UNC13C: variants seen among roughly 807,000 people sequenced by gnomAD.
UNC13C encodes the protein protein unc-13 homolog C.
UNC13C carries 174 observed loss-of-function variants against 245.4 expected under a neutral mutation model. The observed-to-expected ratio is 0.71, with a 90% CI of 0.63 to 0.80. UNC13C has a LOEUF of 0.80. UNC13C is among the 30% of genes least tolerant of loss of function. The pLI, the probability that UNC13C is intolerant of heterozygous loss-of-function variation, is 0.00. For missense variants in UNC13C, 2,829 were observed against 2,602.9 expected, an observed-to-expected ratio of 1.09 and a Z score of -1.89; for synonymous variants, 992 against 895.1, an observed-to-expected ratio of 1.11 and a Z score of -1.93.
At chr15:54,316,797 G>A (rs1241125861) in intron 13 of UNC13C, among the ~76,000 whole-genome samples, 2 of 151,758 alleles carry the variant, frequency 1.3e-5, no homozygotes, top group African/African-American at 2.4e-5. Context: ...ATTCAATTCG[G>A]CCTTTGGAGG....
At position 54,014,701 on chromosome 15, in the gene UNC13C, A is replaced by G. The variant is rs760731438; in HGVS notation, c.1798A>G (p.Ser600Gly). The G allele has an allele frequency of 1.9e-6, 3 of 1,613,826 alleles. No individual in the cohort carries two copies. The highest frequency in any genetic ancestry group is 2.5e-6 in the Non-Finnish European group (3 of 1,179,848). Residue 600 changes from serine to glycine, a missense_variant, in exon 2 of 33, where the codon AGT becomes GGT. By Grantham distance (56) the Ser-to-Gly change is moderately conservative. Transcript: ENST00000260323. ...GGAAGGAACAGCGACCCTGTATGAC[A>G]GTCCCAAGGACCAGCATTTGAATGG... is the stretch of plus-strand genomic sequence containing the variant. ...KQEGTATLYD[S>G]PKDQHLNGGV...
chr15:54,552,546 ATATTG>A lies in UNC13C; in HGVS notation c.5877+2859_5877+2863del, dbSNP rs1386883225. On this transcript the variant is annotated intron_variant, in intron 28 of 32. Coordinates refer to ENST00000260323, the MANE Select transcript of UNC13C (RefSeq NM_001080534.3). Reference sequence around the variant, plus strand: ...ATATATAATAATATAATTATATATTATATTGTATATAATTATATATTATATATAAT... The same window carrying A: ...ATATATAATAATATAATTATATATTATATATAATTATATATTATATATAAT... 7.1e-3 allele frequency among the ~76,000 whole-genome samples: 600 copies of A among 84,234 alleles called. 51 individuals are homozygous for A. The highest frequency in any genetic ancestry group is 0.03 in the African/African-American group (575 of 19,160). 55.3% of individuals were successfully genotyped at this position (84,234 alleles called of 152,430 possible).
the UNC13C span, among the ~76,000 whole-genome samples, chr15:53,853,462 A>C: frequency 6.6e-6 from 1 of 152,214 alleles, no homozygotes; most frequent in African/African-American, 2.4e-5. Flanking sequence ...GGCAATGAAC[A>C]TACGTATGCA....
chr15:54,533,535 C>T (rs896355842), intron 26 of UNC13C, among the ~76,000 whole-genome samples: 18 of 152,284 alleles, frequency 1.2e-4, no homozygotes, highest in African/African-American at 1.9e-4. Flanking sequence ...CCTTCAATAA[C>T]GATTTATTGA....
intron 12 of UNC13C, among the ~76,000 whole-genome samples, chr15:54,299,799 TG>T (rs1275398731): frequency 6.6e-6 from 1 of 152,112 alleles, no homozygotes; most frequent in Non-Finnish European, 1.5e-5. Flanking sequence ...GAATGGAACT[TG>T]GCGATGTATG....
intron 30 of UNC13C, among the ~76,000 whole-genome samples, chr15:54,593,210 C>T (rs898350786): frequency 6.6e-6 from 1 of 152,142 alleles, no homozygotes; most frequent in Non-Finnish European, 1.5e-5. Context: ...TTATAGGTTA[C>T]CTGGTGCTTC....
chr15:54,133,080 G>C (rs185575556), intron 2 of UNC13C, among the ~76,000 whole-genome samples: 1 of 152,020 alleles, frequency 6.6e-6, no homozygotes, highest in African/African-American at 2.4e-5. Context: ...TTTATTTTTC[G>C]TGGTAACTGG....
the UNC13C span, among the ~76,000 whole-genome samples, chr15:53,872,121 A>G: frequency 1.3e-5 from 2 of 152,202 alleles, no homozygotes; most frequent in Admixed American, 1.3e-4. Flanking sequence ...AATCTTTCAG[A>G]GAGCCATGAG....
At chr15:53,971,853 A>G in the UNC13C span, among the ~76,000 whole-genome samples, 1 of 152,296 alleles carries the variant, frequency 6.6e-6, no homozygotes, top group East Asian at 1.9e-4. Flanking sequence ...GATAAAAGGA[A>G]CAGCTGATAC....
At chr15:54,569,316 C>T (rs1281059753) in intron 30 of UNC13C, among the ~76,000 whole-genome samples, 2 of 151,840 alleles carry the variant, frequency 1.3e-5, no homozygotes, top group Admixed American at 1.3e-4. Flanking sequence ...GCTCAAGTCC[C>T]GGATATAAAA....
chr15:53,876,942 G>C, the UNC13C span, among the ~76,000 whole-genome samples: 1 of 152,186 alleles, frequency 6.6e-6, no homozygotes, highest in African/African-American at 2.4e-5. Flanking sequence ...GATGTGCCAA[G>C]AGAGTAAATC....
chr15:53,995,825 G>C (rs1350669448), intron 1 of UNC13C, among the ~76,000 whole-genome samples: 1 of 152,174 alleles, frequency 6.6e-6, no homozygotes, highest in African/African-American at 2.4e-5. Context: ...AGAAATTTCA[G>C]TAGAGTACTG....
intron 4 of UNC13C, among the ~76,000 whole-genome samples, chr15:54,212,002 T>C (rs1470725472): frequency 6.6e-6 from 1 of 152,100 alleles, no homozygotes; most frequent in Admixed American, 6.6e-5. Context: ...TATGGGGTCC[T>C]AATTGTCAGT....
intron 30 of UNC13C, among the ~76,000 whole-genome samples, chr15:54,608,367 G>A (rs897872062): frequency 6.6e-6 from 1 of 152,152 alleles, no homozygotes; most frequent in Non-Finnish European, 1.5e-5. Context: ...AATAAAACAT[G>A]AATCTCAGGA....
chr15:54,051,442 C>G lies in UNC13C; in HGVS notation c.2983+35556C>G, dbSNP rs1404839191. On this transcript the variant is annotated intron_variant, in intron 2 of 32. Transcript: ENST00000260323. Reference sequence around the variant, plus strand: ...TTCTATTTGTATTTGGGTTTTTTTTCCTGGACTTCCTAATTTTTTCCCCAC... The same window carrying G: ...TTCTATTTGTATTTGGGTTTTTTTTGCTGGACTTCCTAATTTTTTCCCCAC... Among the ~76,000 whole-genome samples, 5 of 151,506 alleles carry G rather than the reference C, an allele frequency of 3.3e-5. No homozygotes were observed. The East Asian group carries it at 9.7e-4, about 29-fold the overall frequency.
intron 2 of UNC13C, among the ~76,000 whole-genome samples, chr15:54,129,483 GT>G (rs2031273262): frequency 2.6e-5 from 4 of 152,076 alleles, no homozygotes; most frequent in Admixed American, 6.5e-5. Context: ...TTGTTAAAAT[GT>G]GTCTAATAGT....
At chr15:54,148,156 A>G (rs989106352) in intron 4 of UNC13C, among the ~76,000 whole-genome samples, 1 of 152,154 alleles carries the variant, frequency 6.6e-6, no homozygotes, top group African/African-American at 2.4e-5. Flanking sequence ...AGGAAAGGGC[A>G]CTGAGATATT....
intron 19 of UNC13C, among the ~76,000 whole-genome samples, chr15:54,455,999 A>G (rs1298318559): frequency 1.3e-5 from 2 of 152,180 alleles, no homozygotes; most frequent in Non-Finnish European, 2.9e-5. Context: ...TTATGGTTTC[A>G]GGTCATAGGC....
chr15:54,120,980 G>A (rs746529684), intron 2 of UNC13C, among the ~76,000 whole-genome samples: 1 of 152,074 alleles, frequency 6.6e-6, no homozygotes, highest in Admixed American at 6.6e-5. Flanking sequence ...ATCTACTCCT[G>A]GTGAAGATGT....
Sources: allele counts gnomAD v4.1 joint callset (sites outside exome capture counted in the v4.1 genomes callset), GRCh38; gene constraint gnomAD v4.1.1; transcripts MANE v1.5; gene names NCBI Gene and HGNC (gene_info 2026-07-23, HGNC 2026-07-21).